The following ALK variants were observed in gnomAD, a reference collection of about 807,000 sequenced individuals.
The protein encoded by ALK is ALK tyrosine kinase receptor.
A neutral mutation model predicts 163.1 loss-of-function variants in ALK; 74 were observed. The observed-to-expected ratio is 0.45, with a 90% CI of 0.38 to 0.55. The LOEUF (loss-of-function observed/expected upper bound fraction) is 0.55, where lower values mean the gene tolerates loss of function less well. Among genes scored for constraint, ALK ranks in the 20% least tolerant of loss-of-function variants. The pLI, the probability that ALK is intolerant of heterozygous loss-of-function variation, is 0.00. For synonymous variants in ALK, 960 were observed against 843.2 expected (o/e 1.14, Z -2.40); for missense variants, 2,063 against 2,105.3 (o/e 0.98, Z 0.39).
Position 29,246,372 on chromosome 2 carries a change from C to T in ALK, c.2204+4733G>A, listed in dbSNP as rs1048005562. Among the ~76,000 whole-genome samples, 1 of 152,142 alleles carries T rather than the reference C, an allele frequency of 6.6e-6. No individual in the cohort carries two copies. Among genetic ancestry groups the T allele is most frequent in the Non-Finnish European group, 1.5e-5 (1 of 68,004 alleles). On this transcript the variant is annotated intron_variant, in intron 12 of 28. Coordinates refer to ENST00000389048, the MANE Select transcript of ALK (RefSeq NM_004304.5). This position sits in a 1 kb window ranked among gnomAD's most constrained non-coding sequence, Gnocchi z 4.3. ...GCTGGGCTGTGCCATCATCTGTCTC[C>T]ATTTTATGACAACACGAGGATGCTG...
At chr2:29,328,877 A>G (rs1667355274) in intron 5 of ALK, among the ~76,000 whole-genome samples, 1 of 152,218 alleles carries the variant, frequency 6.6e-6, no homozygotes, top group African/African-American at 2.4e-5. Context: ...TTGGGGTACC[A>G]AGAGGTGGAT....
Position 29,417,713 on chromosome 2 carries a change from C to G in ALK, c.1155-33854G>C, listed in dbSNP as rs1367291206. Reference sequence around the variant, plus strand: ...ACGGTTTCCTACCGAAATAAAAAACCCAGATATTACATCAGGAAGAGAGAC... The same window carrying G: ...ACGGTTTCCTACCGAAATAAAAAACGCAGATATTACATCAGGAAGAGAGAC... On this transcript the variant is annotated intron_variant, in intron 4 of 28. Transcript: ENST00000389048. Among the ~76,000 whole-genome samples, 3 of 152,170 alleles carry G rather than the reference C, an allele frequency of 2.0e-5. No individual in the cohort carries two copies. The East Asian group carries it at 5.8e-4, about 29-fold the overall frequency.
At chr2:29,463,924 G>C (rs1671145220) in intron 4 of ALK, among the ~76,000 whole-genome samples, 1 of 152,120 alleles carries the variant, frequency 6.6e-6, no homozygotes, top group Admixed American at 6.5e-5. Context: ...AGTTACTCAT[G>C]GGTCATTCAG....
chr2:29,382,723 G>A (rs4633880), intron 5 of ALK, among the ~76,000 whole-genome samples: 9,125 of 152,200 alleles, frequency 0.06, 547 homozygotes, highest in East Asian at 0.32. Context: ...TTGCTCCCAA[G>A]CCACATGTTT....
intron 22 of ALK, chr2:29,221,144 C>T (rs1669792535): frequency 3.5e-6 from 2 of 563,608 alleles, no homozygotes; most frequent in East Asian, 3.9e-5. Context: ...TTCTCAGATA[C>T]TGGTGCGTGG....
intron 11 of ALK, among the ~76,000 whole-genome samples, chr2:29,253,928 G>A (rs1165375247): frequency 3.3e-5 from 5 of 152,226 alleles, no homozygotes; most frequent in Middle Eastern, 3.4e-3. Flanking sequence ...TGTCCCCACC[G>A]AAATCTCATC....
chr2:29,413,183 G>C (rs949529242), intron 4 of ALK, among the ~76,000 whole-genome samples: 3 of 152,134 alleles, frequency 2.0e-5, no homozygotes, highest in Admixed American at 6.5e-5. Flanking sequence ...ACTAAATCAA[G>C]CACAAGAGAA....
chr2:29,314,835 G>T (rs1316868), intron 8 of ALK, among the ~76,000 whole-genome samples: 9 of 152,026 alleles, frequency 5.9e-5, no homozygotes, highest in African/African-American at 1.7e-4. Context: ...TGTGTGAAAG[G>T]CAGGGGGCTG....
intron 1 of ALK, among the ~76,000 whole-genome samples, chr2:29,892,958 C>G (rs1407131920): frequency 6.6e-6 from 1 of 152,092 alleles, no homozygotes; most frequent in African/African-American, 2.4e-5. Context: ...TCCATTGTGC[C>G]CAGAGCCTGG....
intron 4 of ALK, among the ~76,000 whole-genome samples, chr2:29,496,186 T>A (rs1672015963): frequency 6.6e-6 from 1 of 152,246 alleles, no homozygotes. Flanking sequence ...AGCTATTCAA[T>A]CTATAAATAT....
At chr2:29,501,885 T>C (rs1672197507) in intron 4 of ALK, among the ~76,000 whole-genome samples, 1 of 152,160 alleles carries the variant, frequency 6.6e-6, no homozygotes, top group African/African-American at 2.4e-5. Flanking sequence ...GTAGCTACCA[T>C]TCTACTTTCT....
intron 3 of ALK, among the ~76,000 whole-genome samples, chr2:29,558,609 C>G (rs1673928887): frequency 6.6e-6 from 1 of 152,052 alleles, no homozygotes; most frequent in African/African-American, 2.4e-5. Context: ...CTTCAAGGTC[C>G]ATTTAAGGGT....
intron 3 of ALK, among the ~76,000 whole-genome samples, chr2:29,559,083 A>G (rs776495090): frequency 2.0e-5 from 3 of 152,168 alleles, no homozygotes; most frequent in Non-Finnish European, 4.4e-5. Flanking sequence ...AGAACCTTGA[A>G]GGGTTCAGAC....
At chr2:29,445,971 C>A (rs1415711261) in intron 4 of ALK, among the ~76,000 whole-genome samples, 1 of 146,464 alleles carries the variant, frequency 6.8e-6, no homozygotes, top group East Asian at 2.0e-4. Context: ...TAGTGGCGGG[C>A]GCCTGTAGTC....
intron 3 of ALK, among the ~76,000 whole-genome samples, chr2:29,619,162 T>C (rs752840139): frequency 2.6e-5 from 4 of 152,202 alleles, no homozygotes; most frequent in Non-Finnish European, 5.9e-5. Flanking sequence ...TAGTACCAAG[T>C]AACTGATCAC....
intron 9 of ALK, among the ~76,000 whole-genome samples, chr2:29,280,564 C>T (rs1265937393): frequency 6.6e-6 from 1 of 151,414 alleles, no homozygotes; most frequent in Non-Finnish European, 1.5e-5. Context: ...GTGGTATATA[C>T]AGATGGACCA....
At chr2:29,403,466 G>T (rs1333334343) in intron 4 of ALK, among the ~76,000 whole-genome samples, 1 of 152,046 alleles carries the variant, frequency 6.6e-6, no homozygotes, top group South Asian at 2.1e-4. Flanking sequence ...TATTCTAAGT[G>T]AGCCTGTGTT....
At chr2:29,759,990 G>C (rs1388136582) in intron 1 of ALK, among the ~76,000 whole-genome samples, 2 of 152,150 alleles carry the variant, frequency 1.3e-5, no homozygotes, top group East Asian at 3.8e-4. Context: ...AAGTATTACA[G>C]GATTTTTTTT....
At chr2:29,333,290 AT>A (rs1667505549) in intron 5 of ALK, among the ~76,000 whole-genome samples, 2 of 151,720 alleles carry the variant, frequency 1.3e-5, no homozygotes, top group Admixed American at 6.6e-5. Context: ...TAATTTTTGT[AT>A]TTTTAGTAGA....
Sources: allele counts gnomAD v4.1 joint callset (sites outside exome capture counted in the v4.1 genomes callset), GRCh38; gene constraint gnomAD v4.1.1; non-coding constraint Gnocchi (gnomAD v3.1); transcripts MANE v1.5; gene names NCBI Gene and HGNC (gene_info 2026-07-23, HGNC 2026-07-21).